Variants in PRDM12 observed in about 807,000 individuals in gnomAD.
PRDM12 encodes PR domain zinc finger protein 12.
A neutral mutation model predicts 29.6 loss-of-function variants in PRDM12; 17 were observed. That is an observed-to-expected ratio of 0.57 (90% CI 0.39 to 0.86). The LOEUF is 0.86. Ranked by LOEUF, PRDM12 falls within the 40% of genes least tolerant of loss-of-function variation. The pLI, the probability that PRDM12 is intolerant of heterozygous loss-of-function variation, is 0.00. For missense variants in PRDM12, 422 were observed against 510.8 expected (o/e 0.83, Z 1.68); for synonymous variants, 231 against 225.8 (o/e 1.02, Z -0.21).
intron 4 of PRDM12, among the ~76,000 whole-genome samples, chr9:130,680,634 A>AATATATATATAT (rs1181007721): frequency 1.6e-4 from 14 of 88,476 alleles, no homozygotes; most frequent in African/African-American, 8.0e-4. Context: ...AAAAAAAAAA[A>AATATATATATAT]ATATATATAT....
At chr9:130,677,265 C>CA (rs1198898298) in intron 3 of PRDM12, among the ~76,000 whole-genome samples, 1 of 152,128 alleles carries the variant, frequency 6.6e-6, no homozygotes, top group Non-Finnish European at 1.5e-5. Flanking sequence ...GAGCTTGCTG[C>CA]AATGGTCTGA....
intron 1 of PRDM12, 147 bp from the exon 2 acceptor site, chr9:130,666,461 C>G: frequency 1.9e-6 from 2 of 1,031,380 alleles, no homozygotes; most frequent in Non-Finnish European, 2.7e-6. Flanking sequence ...CCGACTTCCT[C>G]CACACCCGGG....
intron 3 of PRDM12, among the ~76,000 whole-genome samples, chr9:130,671,209 G>A (rs928606067): frequency 1.5e-4 from 23 of 152,094 alleles, no homozygotes; most frequent in Admixed American, 6.6e-5. Context: ...GCCAGTCATG[G>A]TGGCGGGTGT....
intron 3 of PRDM12, among the ~76,000 whole-genome samples, chr9:130,674,749 A>G (rs1177751520): frequency 2.6e-5 from 4 of 152,168 alleles, no homozygotes; most frequent in South Asian, 2.1e-4. Flanking sequence ...ATGTTTATAC[A>G]ATGCGGTCCA....
At chr9:130,677,669 G>C (rs932193681) in intron 3 of PRDM12, among the ~76,000 whole-genome samples, 2 of 152,228 alleles carry the variant, frequency 1.3e-5, no homozygotes, top group Non-Finnish European at 2.9e-5. Context: ...AGGGGTAACT[G>C]GCTTCCATAA....
Position 130,679,443 on chromosome 9 carries a change from C to T in PRDM12, c.682+803C>T, listed in dbSNP as rs540751720. On this transcript the variant is annotated intron_variant, in intron 4 of 4. Coordinates refer to ENST00000253008, the MANE Select transcript of PRDM12 (RefSeq NM_021619.3). ...TGCCTCCCAGGTTCAAGCAATTCTT[C>T]TGCCTCAGCCTCCCGAGTAGTTGGG... Among the ~76,000 whole-genome samples the T allele has an allele frequency of 4.3e-4, 63 of 146,276 alleles. 1 individual carries two copies. The highest frequency in any genetic ancestry group is 1.5e-3 in the African/African-American group (61 of 39,656).
Position 130,681,282 on chromosome 9 carries a change from C to T in PRDM12, c.717C>T (p.Pro239=), listed in dbSNP as rs755462565. 4 of 1,492,326 alleles carry T rather than the reference C, an allele frequency of 2.7e-6. No homozygotes were observed. Among genetic ancestry groups the T allele is most frequent in the Non-Finnish European group, 2.7e-6 (3 of 1,115,300 alleles). 92.4% of individuals were successfully genotyped at this position (1,492,326 alleles called of 1,614,324 possible). Residue 239 remains proline, a synonymous_variant, in exon 5 of 5, where the codon CCC becomes CCT. Transcript: ENST00000253008. The surrounding 1 kb of genome is among the most constrained non-coding windows in gnomAD (Gnocchi z 8.1). ...ACCCGGCGGACTCGGCGGCTGGCCC[C>T]GCGGGCCGCATGCGATGCGTCATCT... ...DFHPADSAAG[P]AGRMRCVICH...
chr9:130,677,205 A>C (rs1010466227), intron 3 of PRDM12, among the ~76,000 whole-genome samples: 1 of 152,210 alleles, frequency 6.6e-6, no homozygotes, highest in Non-Finnish European at 1.5e-5. Flanking sequence ...GATTACAGGC[A>C]TGAGCCACCA....
intron 3 of PRDM12, among the ~76,000 whole-genome samples, chr9:130,674,596 G>C (rs967413533): frequency 6.6e-6 from 1 of 150,510 alleles, no homozygotes; most frequent in East Asian, 2.0e-4. Flanking sequence ...ATGGCATCAT[G>C]CTACTCTCCA....
chr9:130,668,911 C>A lies in PRDM12; in HGVS notation c.570+598C>A, dbSNP rs1250995291. ...ATTTACAGTTTACTGACCAGAAAAC[C>A]AGGTCTCCCTCGGTGGCAGCAGACT... On this transcript the variant is annotated intron_variant, in intron 3 of 4. Coordinates refer to ENST00000253008, the MANE Select transcript of PRDM12 (RefSeq NM_021619.3). This position sits in a 1 kb window ranked among gnomAD's most constrained non-coding sequence, Gnocchi z 4.0. 6.6e-6 allele frequency among the ~76,000 whole-genome samples: 1 copy of A among 152,148 alleles called. No homozygotes were observed. Among genetic ancestry groups the A allele is most frequent in the African/African-American group, 2.4e-5 (1 of 41,440 alleles).
chr9:130,668,212 C>CACCG lies in PRDM12; in HGVS notation c.470_473dup (p.Ser159ProfsTer12). ...CTTCATCGATGCCAGCCAGGAGGAC[C>CACCG]ACCGGAGCTGGATGACCTACATCAA... On this transcript the variant is annotated frameshift_variant, in exon 3 of 5. Coordinates refer to ENST00000253008, the MANE Select transcript of PRDM12 (RefSeq NM_021619.3). LOFTEE classifies it high-confidence loss of function. The surrounding 1 kb of genome is among the most constrained non-coding windows in gnomAD (Gnocchi z 4.0). The CACCG allele has an allele frequency of 6.2e-7, 1 of 1,614,164 alleles. No individual in the cohort carries two copies. The highest frequency in any genetic ancestry group is 8.5e-7 in the Non-Finnish European group (1 of 1,180,032).
rs1830755400 is a variant in PRDM12 at position 130,668,380 on chromosome 9, G to A, written c.570+67G>A. ...TAAACCCGGCGGGGGGAGGTGTGCA[G>A]GGCAGCGGTGTCCAGGAACCACAGT... On this transcript the variant is annotated intron_variant, in intron 3 of 4. Transcript: ENST00000253008. This position sits in a 1 kb window ranked among gnomAD's most constrained non-coding sequence, Gnocchi z 4.0. The A allele has an allele frequency of 6.3e-6, 10 of 1,598,094 alleles. No individual in the cohort carries two copies. The highest frequency in any genetic ancestry group is 8.6e-7 in the Non-Finnish European group (1 of 1,169,220).
chr9:130,682,782 T>C lies in PRDM12; in HGVS notation c.*1113T>C, dbSNP rs1208342926. ...GGGCGTTTTGTAAAATAAACTATAA[T>C]ATTAATGAAAAGTATAAAATGTATA... On this transcript the variant is annotated 3_prime_UTR_variant, in exon 5 of 5. Transcript: ENST00000253008. The surrounding 1 kb of genome is among the most constrained non-coding windows in gnomAD (Gnocchi z 4.2). 6.6e-6 allele frequency: 1 copy of C among 152,624 alleles called. No homozygotes were observed. The highest frequency in any genetic ancestry group is 2.4e-5 in the African/African-American group (1 of 41,446). The allele number at this position is 152,624 out of a possible 1,614,324, so 9.5% of individuals were successfully genotyped here.
At chr9:130,680,659 A>ATATATATATATTTTTTTT in intron 4 of PRDM12, among the ~76,000 whole-genome samples, 22 of 72,164 alleles carry the variant, frequency 3.0e-4, no homozygotes, top group African/African-American at 1.3e-3. Context: ...ATATATATAT[A>ATATATATATATTTTTTTT]TTTTTTTTTT....
chr9:130,677,815 G>A lies in PRDM12; in HGVS notation c.571-714G>A, dbSNP rs141424914. ...CTCTGACCAACATCCTTTGCCATGA[G>A]CCTGGGGCAGGTCCTCCCCGAGAGC... is the stretch of plus-strand genomic sequence containing the variant. On this transcript the variant is annotated intron_variant, in intron 3 of 4. Coordinates refer to ENST00000253008, the MANE Select transcript of PRDM12 (RefSeq NM_021619.3). 3.3e-3 allele frequency among the ~76,000 whole-genome samples: 505 copies of A among 152,302 alleles called. 6 individuals carry two copies. Among genetic ancestry groups the A allele is most frequent in the African/African-American group, 0.012 (485 of 41,562 alleles).
In PRDM12 at chr9:130,668,463, C is replaced by T; in HGVS notation, c.570+150C>T. On this transcript the variant is annotated intron_variant, in intron 3 of 4. Transcript: ENST00000253008. The surrounding 1 kb of genome is among the most constrained non-coding windows in gnomAD (Gnocchi z 4.0). The stretch of plus-strand genomic sequence containing the variant: ...CTCTGCGCAGGCCATGGGGCTGTGG[C>T]AGACAGGTGGGTCTCCAGACATCCC... 1 of 1,291,744 alleles carries T rather than the reference C, an allele frequency of 7.7e-7. No individual in the cohort carries two copies. Among genetic ancestry groups the T allele is most frequent in the East Asian group, 2.5e-5 (1 of 40,580 alleles). The allele number at this position is 1,291,744 out of a possible 1,614,324, so 80.0% of individuals were successfully genotyped here.
At chr9:130,680,897 T>G (rs2132607489) in intron 4 of PRDM12, among the ~76,000 whole-genome samples, 1 of 151,970 alleles carries the variant, frequency 6.6e-6, no homozygotes, top group Admixed American at 6.6e-5. Flanking sequence ...CGCAGAGACC[T>G]TTCATAGACG....
chr9:130,664,705 A>C lies in PRDM12; in HGVS notation c.52A>C (p.Lys18Gln). ...AEALVLKTGL[K>Q]APGLALAEVI... ...GGCCCTGGTGCTCAAGACCGGGCTGAAGGCGCCGGGACTGGCGCTGGCCGA... is the reference window on the plus strand; with the variant it reads ...GGCCCTGGTGCTCAAGACCGGGCTGCAGGCGCCGGGACTGGCGCTGGCCGA... The change falls in exon 1 of 5, where the codon AAG becomes CAG. Residue 18 changes from lysine (K) to glutamine (Q), a missense_variant. By Grantham distance (53) the Lys-to-Gln change is moderately conservative. Coordinates refer to ENST00000253008, the MANE Select transcript of PRDM12 (RefSeq NM_021619.3). The surrounding 1 kb of genome is among the most constrained non-coding windows in gnomAD (Gnocchi z 6.4). 6.2e-7 allele frequency: 1 copy of C among 1,608,584 alleles called. No homozygotes were observed. Among genetic ancestry groups the C allele is most frequent in the Non-Finnish European group, 8.5e-7 (1 of 1,179,182 alleles).
At position 130,681,522 on chromosome 9, in the gene PRDM12, G is replaced by A. The variant is rs1830901064; in HGVS notation, c.957G>A (p.Lys319=). ...SQLAGLRAHQ[K]SARHRPPSTA... ...TGGCCGGCCTGCGCGCCCACCAGAA[G>A]AGCGCGCGGCACCGGCCGCCCAGCA... The change falls in exon 5 of 5, where the codon AAG becomes AAA. Residue 319 remains lysine, a synonymous_variant. Transcript: ENST00000253008. This position sits in a 1 kb window ranked among gnomAD's most constrained non-coding sequence, Gnocchi z 8.1. 4 of 1,392,770 alleles carry A rather than the reference G, an allele frequency of 2.9e-6. No homozygotes were observed. Among genetic ancestry groups the A allele is most frequent in the South Asian group, 1.5e-5 (1 of 66,406 alleles). The allele number at this position is 1,392,770 out of a possible 1,614,324, so 86.3% of individuals were successfully genotyped here. A position where few individuals can be genotyped will look rare whatever the true frequency, so the allele number is the denominator to read the frequency against.
Sources: gnomAD v4.1 joint callset for allele counts (sites outside exome capture counted in the v4.1 genomes callset) on GRCh38, gnomAD v4.1.1 for gene constraint, Gnocchi (gnomAD v3.1) non-coding constraint, MANE v1.5 for transcripts, NCBI Gene and HGNC (gene_info 2026-07-23, HGNC 2026-07-21) for gene names.